Variants in COMP observed in about 807,000 individuals in gnomAD.
COMP encodes the protein cartilage oligomeric matrix protein (pseudoachondroplasia, epiphyseal dysplasia 1, multiple).
COMP carries 79 observed loss-of-function variants against 95.8 expected under a neutral mutation model. The ratio of observed to expected loss-of-function variants is 0.82; its 90% CI spans 0.69 to 0.99. The LOEUF is 0.99. Ranked by LOEUF, COMP falls within the 50% of genes least tolerant of loss-of-function variation. The probability of loss-of-function intolerance (pLI) is 0.00; values close to 1 mark genes in which losing one functional copy is unlikely to be tolerated. For synonymous variants in COMP, 438 were observed against 433.9 expected, an observed-to-expected ratio of 1.01 and a Z score of -0.12; for missense variants, 906 against 1,076.1, an observed-to-expected ratio of 0.84 and a Z score of 2.21.
At chr19:18,790,479 C>G in intron 3 of COMP, 83 bp downstream of exon 3, 1 of 1,574,024 alleles carries the variant, frequency 6.4e-7, no homozygotes, top group Admixed American at 1.7e-5. Context: ...CTTTTCCTCC[C>G]CAGCTTTCCC....
chr19:18,789,048 C>A lies in COMP; in HGVS notation c.528+112G>T. 1 of 1,543,558 alleles carries A rather than the reference C, an allele frequency of 6.5e-7. No homozygotes were observed. The highest frequency in any genetic ancestry group is 8.8e-7 in the Non-Finnish European group (1 of 1,137,608). On this transcript the variant is annotated intron_variant, in intron 5 of 18. Coordinates refer to ENST00000222271, the MANE Select transcript of COMP (RefSeq NM_000095.3). This position sits in a 1 kb window ranked among gnomAD's most constrained non-coding sequence, Gnocchi z 6.1. ...CGATCAGCCCTGGCGCAGCGGACCC[C>A]TCCTCTCCCCACCCCTCCCGCTGGA...
chr19:18,789,306 GGAGGGGCCACAGAGGGTCA>G lies in COMP; in HGVS notation c.391-28_391-10del. ...CAGGGGTGGGCGTTGCACTGGGGGA[GGAGGGGCCACAGAGGGTCA>G]GAGGGCTTCGAGCTGGGCCCTGGGG... is the stretch of plus-strand genomic sequence containing the variant. On this transcript the variant is annotated splice_polypyrimidine_tract_variant and intron_variant, in intron 4 of 18. Transcript: ENST00000222271. This position sits in a 1 kb window ranked among gnomAD's most constrained non-coding sequence, Gnocchi z 6.1. 6.8e-7 allele frequency: 1 copy of G among 1,479,590 alleles called. No homozygotes were observed. Among genetic ancestry groups the G allele is most frequent in the Non-Finnish European group, 8.9e-7 (1 of 1,117,440 alleles). 91.7% of individuals were successfully genotyped at this position (1,479,590 alleles called of 1,614,324 possible). A position where few individuals can be genotyped will look rare whatever the true frequency, so the allele number is the denominator to read the frequency against.
chr19:18,784,917 G>C lies in COMP; in HGVS notation c.1893C>G (p.Ala631=), dbSNP rs755456322. 6 of 1,613,758 alleles carry C rather than the reference G, an allele frequency of 3.7e-6. No individual in the cohort carries two copies. Among genetic ancestry groups the C allele is most frequent in the African/African-American group, 1.3e-5 (1 of 74,844 alleles). Residue 631 remains alanine, a synonymous_variant, in exon 16 of 19, where the codon GCC becomes GCG. Coordinates refer to ENST00000222271, the MANE Select transcript of COMP (RefSeq NM_000095.3). The surrounding 1 kb of genome is among the most constrained non-coding windows in gnomAD (Gnocchi z 4.9). ...GCACCTTGAGTTGGATGCCAGGCTC[G>C]GCCACAGCACGGAAGGGGTTCGCCT... ...YWQANPFRAV[A]EPGIQLKAVK... is the part of the protein sequence containing the mutation.
At position 18,788,390 on chromosome 19, in the gene COMP, C is replaced by A; in HGVS notation, c.867+20G>T. The A allele has an allele frequency of 5.0e-6, 8 of 1,589,450 alleles. No individual in the cohort carries two copies. The highest frequency in any genetic ancestry group is 6.9e-6 in the Non-Finnish European group (8 of 1,163,358). On this transcript the variant is annotated intron_variant, in intron 8 of 18. Transcript: ENST00000222271. This position sits in a 1 kb window ranked among gnomAD's most constrained non-coding sequence, Gnocchi z 4.7. ...CGCCCTCCCTCCTGCCCAAGCCCGCCCCGCTCCGCCCCCACCCACCTTACG... is the reference window on the plus strand; with the variant it reads ...CGCCCTCCCTCCTGCCCAAGCCCGCACCGCTCCGCCCCCACCCACCTTACG...
intron 17 of COMP, 103 bp from the exon 18 acceptor site, chr19:18,783,296 C>T: frequency 6.7e-7 from 1 of 1,494,520 alleles, no homozygotes; most frequent in Non-Finnish European, 9.0e-7. Flanking sequence ...GACTGGGCTG[C>T]ACTGGGAGCA....
At chr19:18,785,294 C>T (rs1242913532) in intron 15 of COMP, among the ~76,000 whole-genome samples, 2 of 151,868 alleles carry the variant, frequency 1.3e-5, no homozygotes, top group Non-Finnish European at 2.9e-5. Context: ...TTGGCCCCGC[C>T]CTTCCCGAGC....
At chr19:18,786,741 C>G (rs1018848393) in intron 10 of COMP, 91 bp from the exon 11 acceptor site, 6 of 580,920 alleles carry the variant, frequency 1.0e-5, no homozygotes, top group African/African-American at 4.3e-5. Context: ...TGGCCTGGAA[C>G]AGAGTCCCAA....
chr19:18,787,466 GC>G, intron 10 of COMP, 24 bp downstream of exon 10: 1 of 1,603,288 alleles, frequency 6.2e-7, no homozygotes. Context: ...GCCTCTCCTC[GC>G]CCCCCAACCC....
At position 18,785,991 on chromosome 19, in the gene COMP, G is replaced by T. The variant is rs773490189; in HGVS notation, c.1463C>A (p.Pro488His). Residue 488 changes from proline to histidine, a missense_variant, in exon 13 of 19, where the codon CCT becomes CAT. Coordinates refer to ENST00000222271, the MANE Select transcript of COMP (RefSeq NM_000095.3). ...GTCCGCGTCCTCCTGGCCGGGGTTA[G>T]GCACCAGGCGGCAGTTGTCCCGACT... ...PDSRDNCRLVPNPGQEDADRD... is the reference protein window; with the variant it reads ...PDSRDNCRLVHNPGQEDADRD... 6.2e-7 allele frequency: 1 copy of T among 1,612,722 alleles called. No individual in the cohort carries two copies. The highest frequency in any genetic ancestry group is 8.5e-7 in the Non-Finnish European group (1 of 1,179,866).
chr19:18,787,852 C>A (rs2055178918), intron 9 of COMP, among the ~76,000 whole-genome samples: 1 of 65,562 alleles, frequency 1.5e-5, no homozygotes, highest in African/African-American at 9.8e-5. Flanking sequence ...TTTCTTTTTT[C>A]TTTTTCTTTT....
At position 18,789,240 on chromosome 19, in the gene COMP, G is replaced by T; in HGVS notation, c.448C>A (p.Arg150Ser). ...TACCCCGGCGGGCAAGCCTCGCAGC[G>T]GAACCCCGGGCTGGTGTTGATACAG... ...VRCINTSPGF[R>S]CEACPPGYSG... The change falls in exon 5 of 19, where the codon CGC becomes AGC. Residue 150 changes from arginine to serine, a missense_variant. Coordinates refer to ENST00000222271, the MANE Select transcript of COMP (RefSeq NM_000095.3). The surrounding 1 kb of genome is among the most constrained non-coding windows in gnomAD (Gnocchi z 6.1). 6.5e-7 allele frequency: 1 copy of T among 1,529,156 alleles called. No individual in the cohort carries two copies. The highest frequency in any genetic ancestry group is 8.7e-7 in the Non-Finnish European group (1 of 1,146,326). The allele number at this position is 1,529,156 out of a possible 1,614,324, so 94.7% of individuals were successfully genotyped here.
rs778432791 is a variant in COMP at position 18,788,171 on chromosome 19, G to A, written c.975+41C>T. On this transcript the variant is annotated intron_variant, in intron 9 of 18. Coordinates refer to ENST00000222271, the MANE Select transcript of COMP (RefSeq NM_000095.3). The surrounding 1 kb of genome is among the most constrained non-coding windows in gnomAD (Gnocchi z 4.7). The stretch of plus-strand genomic sequence containing the variant: ...CCCGCCTCGGCCTCCCAAAGTGCTG[G>A]GATTACAGGAGTGAACCACCGTGCC... 1 of 1,540,568 alleles carries A rather than the reference G, an allele frequency of 6.5e-7. No individual in the cohort carries two copies. The highest frequency in any genetic ancestry group is 9.0e-7 in the Non-Finnish European group (1 of 1,116,050).
At chr19:18,785,600 C>A (rs2055159726) in intron 14 of COMP, 54 bp from the exon 15 acceptor site, 3 of 1,613,658 alleles carry the variant, frequency 1.9e-6, no homozygotes, top group South Asian at 2.2e-5. Flanking sequence ...GCCCTAGGCA[C>A]CCTGTCCTCA....
chr19:18,785,399 C>T (rs942471982), intron 15 of COMP, 99 bp downstream of exon 15: 8 of 1,515,260 alleles, frequency 5.3e-6, no homozygotes, highest in Non-Finnish European at 7.3e-6. Context: ...GGCCAGCCCC[C>T]TTCTGGCCCC....
chr19:18,786,159 G>A lies in COMP; in HGVS notation c.1308-13C>T, dbSNP rs1427351682. On this transcript the variant is annotated splice_polypyrimidine_tract_variant and intron_variant, in intron 12 of 18. Coordinates refer to ENST00000222271, the MANE Select transcript of COMP (RefSeq NM_000095.3). ...TCCGTCTCCATCCCTAGAGTGGATA[G>A]GTGGGATCCAGAGACAATGAGCTCT... 6.2e-7 allele frequency: 1 copy of A among 1,614,086 alleles called. No homozygotes were observed. The highest frequency in any genetic ancestry group is 8.5e-7 in the Non-Finnish European group (1 of 1,180,038).
Position 18,784,249 on chromosome 19 carries a change from T to C in COMP, c.2029A>G (p.Lys677Glu), listed in dbSNP as rs1306608409. Reference sequence around the variant, plus strand: ...AACCAACGATAGGACTTCTTGTCCTTCCAACCCACGTTTCGCGGGTCCTTC... The same window carrying C: ...AACCAACGATAGGACTTCTTGTCCTCCCAACCCACGTTTCGCGGGTCCTTC... ...LWKDPRNVGW[K>E]DKKSYRWFLQ... is the part of the protein sequence containing the mutation. Residue 677 changes from lysine to glutamate, a missense_variant, in exon 17 of 19, where the codon AAG (lysine) becomes GAG (glutamate). Transcript: ENST00000222271. This position sits in a 1 kb window ranked among gnomAD's most constrained non-coding sequence, Gnocchi z 4.9. 6 of 1,614,012 alleles carry C rather than the reference T, an allele frequency of 3.7e-6. 1 individual carries two copies. The highest frequency in any genetic ancestry group is 1.7e-6 in the Non-Finnish European group (2 of 1,180,012).
Position 18,791,277 on chromosome 19 carries a change from G to T in COMP, c.-8C>A, listed in dbSNP as rs377427968. The T allele has an allele frequency of 3.1e-6, 5 of 1,588,816 alleles. No individual in the cohort carries two copies. Among genetic ancestry groups the T allele is most frequent in the Non-Finnish European group, 4.3e-6 (5 of 1,170,076 alleles). On this transcript the variant is annotated 5_prime_UTR_variant, in exon 1 of 19. Transcript: ENST00000222271. ...GGCGGTGTCGGGGACCATGGCGGTG[G>T]CGGGGAGCTGGGTGGCTGCTCGCTT...
rs945465827 is a variant in COMP, at chr19:18,784,587, G to A, written c.1915-224C>T. 2.6e-5 allele frequency among the ~76,000 whole-genome samples: 4 copies of A among 152,140 alleles called. No homozygotes were observed. Among genetic ancestry groups the A allele is most frequent in the Non-Finnish European group, 5.9e-5 (4 of 68,026 alleles). On this transcript the variant is annotated intron_variant, in intron 16 of 18. Coordinates refer to ENST00000222271, the MANE Select transcript of COMP (RefSeq NM_000095.3). The surrounding 1 kb of genome is among the most constrained non-coding windows in gnomAD (Gnocchi z 4.9). ...TTCATGAGAGGATTTGGGAGTCCGT[G>A]GACAGATTCAGGGTCTGGGAGGATG...
Position 18,788,696 on chromosome 19 carries a change from C to G in COMP, c.658G>C (p.Gly220Arg), listed in dbSNP as rs1601057836. Residue 220 changes from glycine (G) to arginine (R), a missense_variant, in exon 7 of 19, where the codon GGC becomes CGC. Gly to Arg is a moderately radical substitution (Grantham distance 125). Transcript: ENST00000222271. This position sits in a 1 kb window ranked among gnomAD's most constrained non-coding sequence, Gnocchi z 4.7. ...QPGFVGDQAS[G>R]CQRRAQRFCP... is the part of the protein sequence containing the mutation. The stretch of plus-strand genomic sequence containing the variant: ...AAGCGCTGTGCGCGCCGCTGGCAGC[C>G]GGACGCCTGGTCGCCCACGAAGCCG... The G allele has an allele frequency of 7.8e-6, 12 of 1,541,176 alleles. No individual in the cohort carries two copies. The highest frequency in any genetic ancestry group is 1.0e-5 in the Non-Finnish European group (12 of 1,144,820).
Sources: allele counts gnomAD v4.1 joint callset (sites outside exome capture counted in the v4.1 genomes callset), GRCh38; gene constraint gnomAD v4.1.1; non-coding constraint Gnocchi (gnomAD v3.1); transcripts MANE v1.5; gene names NCBI Gene and HGNC (gene_info 2026-07-23, HGNC 2026-07-21).